Variants in SYNE3 observed in about 807,000 individuals in gnomAD.
SYNE3 encodes nesprin-3.
SYNE3 carries 100 observed loss-of-function variants against 111.2 expected under a neutral mutation model. That is an observed-to-expected ratio of 0.90 (90% CI 0.77 to 1.06). SYNE3 has a LOEUF of 1.06. SYNE3 is among the 50% of genes least tolerant of loss of function. The probability of loss-of-function intolerance (pLI) is 0.00; values close to 1 mark genes in which losing one functional copy is unlikely to be tolerated. For missense variants in SYNE3, 1,160 were observed against 1,240.3 expected (o/e 0.94, Z 0.97); for synonymous variants, 547 against 533.9 (o/e 1.02, Z -0.34).
At chr14:95,458,702 G>A (rs899374137) in intron 4 of SYNE3, among the ~76,000 whole-genome samples, 4 of 152,200 alleles carry the variant, frequency 2.6e-5, no homozygotes, top group African/African-American at 9.7e-5. Context: ...GGGGGATCCA[G>A]GAGGTTCCTA....
chr14:95,462,691 C>A (rs1887908018), intron 4 of SYNE3, among the ~76,000 whole-genome samples: 1 of 152,236 alleles, frequency 6.6e-6, no homozygotes, highest in African/African-American at 2.4e-5. Flanking sequence ...ACTGTCCCAG[C>A]CTGACCACAG....
intron 1 of SYNE3, among the ~76,000 whole-genome samples, chr14:95,502,345 C>T (rs535023807): frequency 4.2e-4 from 63 of 149,844 alleles, no homozygotes; most frequent in African/African-American, 1.5e-3. Context: ...GCCAGAGTCA[C>T]GAGCAGCCTT....
intron 1 of SYNE3, among the ~76,000 whole-genome samples, chr14:95,506,636 C>G (rs1221526814): frequency 5.9e-5 from 9 of 152,256 alleles, no homozygotes; most frequent in Non-Finnish European, 1.2e-4. Flanking sequence ...ATGGCAAAGT[C>G]ACGTCCTCAG....
At position 95,427,847 on chromosome 14, in the gene SYNE3, G is replaced by A. The variant is rs189336209; in HGVS notation, c.2727+4232C>T. ...TGTGTCTTTATTTCTACAATCTCTC[G>A]TCTCCGCATATGGGGAGAAAAACTC... is the stretch of plus-strand genomic sequence containing the variant. On this transcript the variant is annotated intron_variant, in intron 17 of 17. Transcript: ENST00000682763. 6.2e-4 allele frequency among the ~76,000 whole-genome samples: 95 copies of A among 152,144 alleles called. 2 individuals are homozygous for A. Among genetic ancestry groups the A allele is most frequent in the African/African-American group, 1.6e-3 (68 of 41,502 alleles).
chr14:95,474,280 G>A (rs761969477), intron 2 of SYNE3, among the ~76,000 whole-genome samples: 4 of 152,216 alleles, frequency 2.6e-5, no homozygotes, highest in South Asian at 2.1e-4. Context: ...TGAGAGCCAC[G>A]GAAGGTTTTA....
In SYNE3 at chr14:95,439,760, T is replaced by C; in HGVS notation, c.2098A>G (p.Lys700Glu). The change falls in exon 13 of 18, where the codon AAG (lysine) becomes GAG (glutamate). Residue 700 changes from lysine to glutamate, a missense_variant. Lys to Glu is a moderately conservative substitution (Grantham distance 56, BLOSUM62 1). Transcript: ENST00000682763. The stretch of plus-strand genomic sequence containing the variant: ...TCCACCAGGGACAGCTGGGCCTCCT[T>C]CTCCGGGAATTCTGCCACCAGCCTC... ...FERLVAEFPE[K>E]EAQLSLVEAQ... The C allele has an allele frequency of 6.2e-7, 1 of 1,613,110 alleles. No individual in the cohort carries two copies. Among genetic ancestry groups the C allele is most frequent in the African/African-American group, 1.3e-5 (1 of 74,970 alleles).
intron 1 of SYNE3, among the ~76,000 whole-genome samples, chr14:95,507,236 A>G (rs1448079226): frequency 2.6e-5 from 4 of 152,000 alleles, no homozygotes; most frequent in Non-Finnish European, 5.9e-5. Context: ...CACCTCACCC[A>G]CTGGACTCCT....
At position 95,485,223 on chromosome 14, in the gene SYNE3, C is replaced by T. The variant is rs1478060500; in HGVS notation, c.-14-9388G>A. Among the ~76,000 whole-genome samples, 1 of 152,130 alleles carries T rather than the reference C, an allele frequency of 6.6e-6. No homozygotes were observed. Among genetic ancestry groups the T allele is most frequent in the Non-Finnish European group, 1.5e-5 (1 of 68,020 alleles). On this transcript the variant is annotated intron_variant, in intron 1 of 17. Transcript: ENST00000682763. This position sits in a 1 kb window ranked among gnomAD's most constrained non-coding sequence, Gnocchi z 4.3. ...TAGGCCAAGATTAGAAATCAGAAAG[C>T]AATGAAACTGCAAAGAACCCCTGCC...
chr14:95,471,744 G>C (rs566505349), intron 2 of SYNE3, among the ~76,000 whole-genome samples: 10 of 152,358 alleles, frequency 6.6e-5, no homozygotes, highest in African/African-American at 2.4e-4. Flanking sequence ...TGCTTGGCAA[G>C]GTCTGCGTGG....
intron 4 of SYNE3, among the ~76,000 whole-genome samples, chr14:95,462,600 A>G (rs1439022857): frequency 1.3e-5 from 2 of 152,128 alleles, no homozygotes; most frequent in African/African-American, 4.8e-5. Context: ...CTCCTGCCCC[A>G]GGACACTGCC....
At chr14:95,506,440 C>T (rs1332173490) in intron 1 of SYNE3, among the ~76,000 whole-genome samples, 2 of 152,216 alleles carry the variant, frequency 1.3e-5, no homozygotes, top group African/African-American at 2.4e-5. Context: ...TGCACACGGG[C>T]GCAGGCTTGG....
In SYNE3 at chr14:95,431,654, G is replaced by A. The variant is rs374322700; in HGVS notation, c.2727+425C>T. The stretch of plus-strand genomic sequence containing the variant: ...AATCCCTCCCTCTCCTGTCCCTACC[G>A]AGCCCCATAGACTCTCCATCACCAG... On this transcript the variant is annotated intron_variant, in intron 17 of 17. Coordinates refer to ENST00000682763, the MANE Select transcript of SYNE3 (RefSeq NM_152592.6). Among the ~76,000 whole-genome samples, 592 of 152,262 alleles carry A rather than the reference G, an allele frequency of 3.9e-3. 7 individuals carry two copies. Among genetic ancestry groups the A allele is most frequent in the African/African-American group, 0.013 (528 of 41,546 alleles).
chr14:95,411,209 A>G lies in SYNE3; in HGVS notation c.*6617T>C, dbSNP rs1903425098. 1 of 151,824 alleles carries G rather than the reference A, an allele frequency of 6.6e-6. No individual in the cohort carries two copies. Among genetic ancestry groups the G allele is most frequent in the African/African-American group, 2.4e-5 (1 of 41,320 alleles). 9.4% of individuals were successfully genotyped at this position (151,824 alleles called of 1,614,324 possible). On this transcript the variant is annotated 3_prime_UTR_variant, in exon 18 of 18. Transcript: ENST00000682763. ...CCATTTTGCCTCCCCTAAAAGTCCT[A>G]CTTGGCAGTTCATCCCATTGTCTGC... is the stretch of plus-strand genomic sequence containing the variant.
chr14:95,504,194 T>G (rs1427887624), intron 1 of SYNE3, among the ~76,000 whole-genome samples: 1 of 151,846 alleles, frequency 6.6e-6, no homozygotes. Flanking sequence ...CAACACCCAT[T>G]CATTTACATA....
chr14:95,458,070 T>C (rs563667256), intron 4 of SYNE3, among the ~76,000 whole-genome samples: 1 of 152,210 alleles, frequency 6.6e-6, no homozygotes, highest in Non-Finnish European at 1.5e-5. Flanking sequence ...GATGATGTCC[T>C]GAGGGTGGCT....
intron 1 of SYNE3, among the ~76,000 whole-genome samples, chr14:95,504,106 A>G (rs1890438838): frequency 6.6e-6 from 1 of 152,248 alleles, no homozygotes; most frequent in Admixed American, 6.5e-5. Flanking sequence ...AAATCAAAAG[A>G]ATAATAATGT....
At chr14:95,474,325 G>A (rs1455000611) in intron 2 of SYNE3, among the ~76,000 whole-genome samples, 1 of 152,224 alleles carries the variant, frequency 6.6e-6, no homozygotes, top group Non-Finnish European at 1.5e-5. Context: ...CCCACGTTAG[G>A]GGTGTGCCTC....
At chr14:95,479,590 G>T (rs927231899) in intron 1 of SYNE3, among the ~76,000 whole-genome samples, 9 of 152,160 alleles carry the variant, frequency 5.9e-5, no homozygotes, top group African/African-American at 1.9e-4. Flanking sequence ...GCTGCTGAGT[G>T]CAGGTGCTGA....
chr14:95,474,729 T>C (rs1888772403), intron 2 of SYNE3, among the ~76,000 whole-genome samples: 1 of 152,212 alleles, frequency 6.6e-6, no homozygotes, highest in South Asian at 2.1e-4. Context: ...ATATGCAATA[T>C]GGTGCACAGT....
Sources: gnomAD v4.1 joint callset for allele counts (sites outside exome capture counted in the v4.1 genomes callset) on GRCh38, gnomAD v4.1.1 for gene constraint, Gnocchi (gnomAD v3.1) non-coding constraint, MANE v1.5 for transcripts, NCBI Gene and HGNC (gene_info 2026-07-23, HGNC 2026-07-21) for gene names.